The following OSBPL10 variants were observed in gnomAD, a reference collection of about 807,000 sequenced individuals.
The protein encoded by OSBPL10 is oxysterol binding protein like 10, also known as oxysterol-binding protein-related protein 10.
OSBPL10 carries 49 observed loss-of-function variants against 81.7 expected under a neutral mutation model. That is an observed-to-expected ratio of 0.60 (90% CI 0.48 to 0.76). OSBPL10 has a LOEUF of 0.76. Among genes scored for constraint, OSBPL10 ranks in the 30% least tolerant of loss-of-function variants. OSBPL10 has a pLI of 0.00. For missense variants in OSBPL10, 923 were observed against 987.8 expected (o/e 0.93, Z 0.88); for synonymous variants, 419 against 383.6 (o/e 1.09, Z -1.08).
chr3:31,697,437 A>G lies in OSBPL10; in HGVS notation c.1245+4922T>C, dbSNP rs1040727168. Among the ~76,000 whole-genome samples the G allele has an allele frequency of 6.6e-5, 10 of 152,346 alleles. No individual in the cohort carries two copies. The Middle Eastern group carries it at 0.01, about 157-fold the overall frequency. On this transcript the variant is annotated intron_variant, in intron 7 of 11. Coordinates refer to ENST00000396556, the MANE Select transcript of OSBPL10 (RefSeq NM_017784.5). ...CAATAGACAATTGAAACAAATGGCA[A>G]CTAATAATAAATGGCAATTAATAAT...
chr3:31,689,577 C>CTCCCACAAT (rs1171031193), intron 7 of OSBPL10, among the ~76,000 whole-genome samples: 1 of 152,076 alleles, frequency 6.6e-6, no homozygotes. Context: ...TGAGTTGTAA[C>CTCCCACAAT]TCCCACAATT....
intron 2 of OSBPL10, among the ~76,000 whole-genome samples, chr3:32,004,705 A>G (rs1279832190): frequency 2.6e-5 from 4 of 152,202 alleles, no homozygotes; most frequent in Admixed American, 1.3e-4. Flanking sequence ...AGAACAACAG[A>G]GAAGAAAACA....
Position 31,670,784 on chromosome 3 carries a change from G to C in OSBPL10, c.1913+13C>G, listed in dbSNP as rs529215000. ...GTTAAGACAAAGCCAGAGTCTCTCCGGCCAGCTCCTACCTGTGGACTTTCC... is the reference window on the plus strand; with the variant it reads ...GTTAAGACAAAGCCAGAGTCTCTCCCGCCAGCTCCTACCTGTGGACTTTCC... On this transcript the variant is annotated intron_variant, in intron 9 of 11. Transcript: ENST00000396556. The C allele has an allele frequency of 2.0e-5, 32 of 1,608,434 alleles. No individual in the cohort carries two copies. The South Asian group carries it at 2.3e-4, about 12-fold the overall frequency.
intron 4 of OSBPL10, among the ~76,000 whole-genome samples, chr3:31,763,436 C>T (rs1484125330): frequency 6.6e-6 from 1 of 152,182 alleles, no homozygotes; most frequent in East Asian, 1.9e-4. Context: ...TTCACTCATA[C>T]TCCACACACA....
chr3:31,771,891 G>A (rs148894937), intron 4 of OSBPL10, among the ~76,000 whole-genome samples: 152 of 152,236 alleles, frequency 1.0e-3, no homozygotes, highest in Middle Eastern at 3.4e-3. Context: ...TTATTGGGCC[G>A]CAAGAATAAG....
At chr3:31,889,358 G>A (rs1333518456) in intron 1 of OSBPL10, among the ~76,000 whole-genome samples, 4 of 152,168 alleles carry the variant, frequency 2.6e-5, no homozygotes, top group African/African-American at 9.7e-5. Flanking sequence ...CCCACGTTTA[G>A]TGCAGCACTA....
At chr3:31,955,869 T>C (rs1697994002) in intron 1 of OSBPL10, among the ~76,000 whole-genome samples, 1 of 152,196 alleles carries the variant, frequency 6.6e-6, no homozygotes, top group Non-Finnish European at 1.5e-5. Context: ...CAGGAGGCAG[T>C]AGCCACAAAC....
At chr3:31,916,414 C>T (rs1338383160) in intron 1 of OSBPL10, among the ~76,000 whole-genome samples, 1 of 151,962 alleles carries the variant, frequency 6.6e-6, no homozygotes, top group Non-Finnish European at 1.5e-5. Flanking sequence ...CACCCCACTG[C>T]CTCTAAAAAC....
At chr3:31,959,811 T>C (rs1432571235) in intron 1 of OSBPL10, among the ~76,000 whole-genome samples, 2 of 152,178 alleles carry the variant, frequency 1.3e-5, no homozygotes, top group Admixed American at 6.5e-5. Flanking sequence ...CAAGTTCACC[T>C]GAGCACCTTC....
At chr3:31,877,346 A>T (rs1187591058) in intron 2 of OSBPL10, among the ~76,000 whole-genome samples, 2 of 152,114 alleles carry the variant, frequency 1.3e-5, no homozygotes, top group African/African-American at 4.8e-5. Flanking sequence ...GCAAGATACC[A>T]AATGCTGCCT....
chr3:31,815,613 A>T (rs772539286), intron 4 of OSBPL10, among the ~76,000 whole-genome samples: 5 of 152,184 alleles, frequency 3.3e-5, no homozygotes, highest in Non-Finnish European at 7.3e-5. Context: ...GGGAATGACC[A>T]AAGTGCCCTG....
At chr3:31,838,200 C>A (rs1317585843) in intron 3 of OSBPL10, among the ~76,000 whole-genome samples, 1 of 152,030 alleles carries the variant, frequency 6.6e-6, no homozygotes, top group African/African-American at 2.4e-5. Flanking sequence ...ATTTGTGTCC[C>A]CTCCCCGCTA....
intron 4 of OSBPL10, among the ~76,000 whole-genome samples, chr3:31,777,338 G>A (rs1318226399): frequency 6.6e-6 from 1 of 151,888 alleles, no homozygotes; most frequent in African/African-American, 2.4e-5. Context: ...TTCATCTTTA[G>A]ATAAGAGAGC....
rs985803162 is a variant in OSBPL10 at position 31,981,236 on chromosome 3, G to A, written c.-57C>T. On this transcript the variant is annotated 5_prime_UTR_variant, in exon 1 of 12. Transcript: ENST00000396556. The surrounding 1 kb of genome is among the most constrained non-coding windows in gnomAD (Gnocchi z 4.5). Reference sequence around the variant, plus strand: ...CCGCGGTGGCGGCCCCGGCACGGCGGCTGCTGCTGCTGCTACAGCTCCGGA... The same window carrying A: ...CCGCGGTGGCGGCCCCGGCACGGCGACTGCTGCTGCTGCTACAGCTCCGGA... 2 of 1,327,438 alleles carry A rather than the reference G, an allele frequency of 1.5e-6. No individual in the cohort carries two copies. Among genetic ancestry groups the A allele is most frequent in the African/African-American group, 1.6e-5 (1 of 64,500 alleles). The allele number at this position is 1,327,438 out of a possible 1,614,324, so 82.2% of individuals were successfully genotyped here.
At chr3:31,707,610 CA>C (rs201134427) in intron 6 of OSBPL10, among the ~76,000 whole-genome samples, 3 of 151,674 alleles carry the variant, frequency 2.0e-5, no homozygotes, top group East Asian at 1.9e-4. Flanking sequence ...CTAGCCATGT[CA>C]AAAAAAATGG....
At chr3:31,989,125 G>T (rs1189812841) in intron 2 of OSBPL10, 3 of 1,614,170 alleles carry the variant, frequency 1.9e-6, no homozygotes. Context: ...AAAGGAGCCA[G>T]GCATGGCTCT....
chr3:31,911,247 C>T (rs2125692638), intron 1 of OSBPL10, among the ~76,000 whole-genome samples: 1 of 152,294 alleles, frequency 6.6e-6, no homozygotes, highest in East Asian at 1.9e-4. Flanking sequence ...TCAACTTCAA[C>T]TCTGCTGATA....
intron 4 of OSBPL10, among the ~76,000 whole-genome samples, chr3:31,813,055 A>G (rs1013627931): frequency 1.2e-4 from 18 of 152,246 alleles, no homozygotes; most frequent in Non-Finnish European, 1.5e-5. Flanking sequence ...TATAAGAAAT[A>G]TAAGGAATCT....
chr3:31,727,088 C>A (rs1333092625), intron 6 of OSBPL10, among the ~76,000 whole-genome samples: 1 of 151,994 alleles, frequency 6.6e-6, no homozygotes, highest in Non-Finnish European at 1.5e-5. Context: ...CTGCTTTGAC[C>A]TCCTAAAATG....
Sources: allele counts gnomAD v4.1 joint callset (sites outside exome capture counted in the v4.1 genomes callset), GRCh38; gene constraint gnomAD v4.1.1; non-coding constraint Gnocchi (gnomAD v3.1); transcripts MANE v1.5; gene names NCBI Gene and HGNC (gene_info 2026-07-23, HGNC 2026-07-21).